RAB14: variants seen among roughly 807,000 people sequenced by gnomAD.
The protein encoded by RAB14 is RAB14, member RAS oncogene family, also known as ras-related protein Rab-14.
In RAB14, 3 loss-of-function variants were observed where a neutral mutation model predicts 31.1. That is an observed-to-expected ratio of 0.10 (90% CI 0.04 to 0.25). The LOEUF is 0.25. Among genes scored for constraint, RAB14 ranks in the 10% least tolerant of loss-of-function variants. The pLI is 1.00. For synonymous variants in RAB14, 85 were observed against 84.9 expected (o/e 1.00, Z 0.00); for missense variants, 111 against 260.1 (o/e 0.43, Z 3.94).
chr9:121,185,017 C>T (rs1346308298), intron 5 of RAB14, among the ~76,000 whole-genome samples: 1 of 151,960 alleles, frequency 6.6e-6, no homozygotes, highest in Non-Finnish European at 1.5e-5. Flanking sequence ...AAAACATGCC[C>T]ACAACAAAAT....
chr9:121,198,020 A>AACACAC (rs58467154), intron 1 of RAB14, among the ~76,000 whole-genome samples: 2,213 of 149,922 alleles, frequency 0.015, 37 homozygotes, highest in East Asian at 0.051. Flanking sequence ...CCCACTTTCA[A>AACACAC]ACACACACAC....
chr9:121,201,108 A>G (rs1219663221), intron 1 of RAB14, among the ~76,000 whole-genome samples: 4 of 151,812 alleles, frequency 2.6e-5, no homozygotes, highest in Non-Finnish European at 4.4e-5. Context: ...CCACATCGAC[A>G]AGGACACCGG....
intron 7 of RAB14, 128 bp from the exon 8 acceptor site, chr9:121,181,701 A>T (rs1194355125): frequency 3.9e-6 from 2 of 512,382 alleles, no homozygotes; most frequent in Admixed American, 3.4e-5. Flanking sequence ...CTAATAAGAG[A>T]TTACCAGAAC....
intron 5 of RAB14, among the ~76,000 whole-genome samples, chr9:121,183,674 T>G (rs2053645174): frequency 6.6e-6 from 1 of 152,220 alleles, no homozygotes; most frequent in Non-Finnish European, 1.5e-5. Context: ...CTCTGTTACA[T>G]GTTCGTTGCT....
chr9:121,198,529 A>G (rs557459169), intron 1 of RAB14, among the ~76,000 whole-genome samples: 46 of 152,342 alleles, frequency 3.0e-4, no homozygotes, highest in African/African-American at 1.1e-3. Flanking sequence ...ACAAGGGAAA[A>G]GCAACCCATT....
intron 1 of RAB14, among the ~76,000 whole-genome samples, chr9:121,200,440 G>A (rs1315164664): frequency 6.6e-6 from 1 of 152,200 alleles, no homozygotes; most frequent in African/African-American, 2.4e-5. Flanking sequence ...TCTGGGCTCT[G>A]ACACTTGCTG....
chr9:121,189,557 A>G (rs1184469038), intron 4 of RAB14, among the ~76,000 whole-genome samples: 1 of 152,124 alleles, frequency 6.6e-6, no homozygotes, highest in African/African-American at 2.4e-5. Flanking sequence ...TATAATTATA[A>G]TTAGTCAATA....
chr9:121,181,692 TAATA>T, intron 7 of RAB14, 119 bp from the exon 8 acceptor site: 1 of 599,000 alleles, frequency 1.7e-6, no homozygotes, highest in Non-Finnish European at 2.7e-6. Context: ...CACTGTCATC[TAATA>T]AGAGATTACC....
intron 4 of RAB14, among the ~76,000 whole-genome samples, chr9:121,188,838 T>C (rs962895564): frequency 1.3e-5 from 2 of 152,068 alleles, no homozygotes; most frequent in Non-Finnish European, 2.9e-5. Context: ...GCTTATTCTT[T>C]TAAAGTACGT....
chr9:121,185,397 GTT>G (rs2053653564), intron 5 of RAB14, among the ~76,000 whole-genome samples: 1 of 152,138 alleles, frequency 6.6e-6, no homozygotes, highest in Admixed American at 6.6e-5. Context: ...TCAGATTTCA[GTT>G]TTTACACATT....
At chr9:121,192,052 C>G (rs2053689792) in intron 3 of RAB14, 119 bp downstream of exon 3, 2 of 690,554 alleles carry the variant, frequency 2.9e-6, no homozygotes, top group East Asian at 5.8e-5. Context: ...AAAAAAAGTA[C>G]AAATATAGGG....
In RAB14 at chr9:121,179,030, TAC is replaced by T. The variant is rs1174577585; in HGVS notation, c.*2364_*2365del. 2.0e-5 allele frequency: 3 copies of T among 152,200 alleles called. No homozygotes were observed. The highest frequency in any genetic ancestry group is 7.2e-5 in the African/African-American group (3 of 41,438). The allele number at this position is 152,200 out of a possible 1,614,324, so 9.4% of individuals were successfully genotyped here. A position where few individuals can be genotyped will look rare whatever the true frequency, so the allele number is the denominator to read the frequency against. On this transcript the variant is annotated 3_prime_UTR_variant, in exon 8 of 8. Transcript: ENST00000373840. ...GCATATGATAGAATCTGGCTCCCGG[TAC>T]AGTCAAAGGAGAACAGCATCAGCCA...
intron 4 of RAB14, 43 bp from the exon 5 acceptor site, chr9:121,187,062 T>C: frequency 8.0e-7 from 1 of 1,245,650 alleles, no homozygotes; most frequent in Admixed American, 2.5e-5. Flanking sequence ...CATATAATTA[T>C]AGAAAAAAAA....
At position 121,178,711 on chromosome 9, in the gene RAB14, C is replaced by T. The variant is rs2053613648; in HGVS notation, c.*2685G>A. The T allele has an allele frequency of 6.6e-6, 1 of 152,188 alleles. No homozygotes were observed. Among genetic ancestry groups the T allele is most frequent in the Non-Finnish European group, 1.5e-5 (1 of 68,030 alleles). The allele number at this position is 152,188 out of a possible 1,614,324, so 9.4% of individuals were successfully genotyped here. A position where few individuals can be genotyped will look rare whatever the true frequency, so the allele number is the denominator to read the frequency against. On this transcript the variant is annotated 3_prime_UTR_variant, in exon 8 of 8. Coordinates refer to ENST00000373840, the MANE Select transcript of RAB14 (RefSeq NM_016322.4). ...AACCAAAAAAAAATAATAAGTTACT[C>T]CATCAAACACGTTATTATCCATAAA...
chr9:121,200,994 G>A lies in RAB14; in HGVS notation c.-8+645C>T, dbSNP rs2053766218. ...CTGTAGGTTCAGGGCCGTAGAGGCT[G>A]TCCACGGGCCTCACAGGAACGCACC... is the stretch of plus-strand genomic sequence containing the variant. On this transcript the variant is annotated intron_variant, in intron 1 of 7. Coordinates refer to ENST00000373840, the MANE Select transcript of RAB14 (RefSeq NM_016322.4). Among the ~76,000 whole-genome samples the A allele has an allele frequency of 3.3e-5, 5 of 152,204 alleles. No individual in the cohort carries two copies. The South Asian group carries it at 8.3e-4, about 25-fold the overall frequency.
chr9:121,193,334 A>C (rs1460249650), intron 2 of RAB14, 27 bp downstream of exon 2: 17 of 1,453,820 alleles, frequency 1.2e-5, no homozygotes, highest in Non-Finnish European at 1.6e-5. Flanking sequence ...TCTTTTGGGA[A>C]CAAGAGTGTA....
Position 121,181,233 on chromosome 9 carries a change from G to T in RAB14, c.*163C>A. The T allele has an allele frequency of 1.6e-6, 1 of 641,240 alleles. No homozygotes were observed. The highest frequency in any genetic ancestry group is 2.4e-6 in the Non-Finnish European group (1 of 418,174). 39.7% of individuals were successfully genotyped at this position (641,240 alleles called of 1,614,324 possible). A position where few individuals can be genotyped will look rare whatever the true frequency, so the allele number is the denominator to read the frequency against. ...TTTGATAACCTGATTACATCTAGTT[G>T]TTTAGCAGTTTAGTATTGTGTTAAA... On this transcript the variant is annotated 3_prime_UTR_variant, in exon 8 of 8. Transcript: ENST00000373840.
intron 1 of RAB14, among the ~76,000 whole-genome samples, chr9:121,200,302 C>A (rs183988831): frequency 3.3e-5 from 5 of 152,318 alleles, no homozygotes; most frequent in African/African-American, 1.2e-4. Flanking sequence ...TCAAGTTTGT[C>A]TTCAACAATC....
chr9:121,199,985 T>C (rs987519838), intron 1 of RAB14, among the ~76,000 whole-genome samples: 9 of 152,230 alleles, frequency 5.9e-5, no homozygotes, highest in African/African-American at 2.2e-4. Context: ...ATTTACTATA[T>C]GCCAAGCAAT....
Sources: gnomAD v4.1 joint callset for allele counts (sites outside exome capture counted in the v4.1 genomes callset) on GRCh38, gnomAD v4.1.1 for gene constraint, MANE v1.5 for transcripts, NCBI Gene and HGNC (gene_info 2026-07-23, HGNC 2026-07-21) for gene names.